OXR1: variants seen among roughly 807,000 people sequenced by gnomAD.
OXR1 encodes oxidation resistance protein 1.
In OXR1, 41 loss-of-function variants were observed where a neutral mutation model predicts 104.6. That is an observed-to-expected ratio of 0.39 (90% CI 0.31 to 0.51). OXR1 has a LOEUF of 0.51. Ranked by LOEUF, OXR1 falls within the 20% of genes least tolerant of loss-of-function variation. The pLI, the probability that OXR1 is intolerant of heterozygous loss-of-function variation, is 0.77. For missense variants in OXR1, 955 were observed against 1,031.9 expected (o/e 0.93, Z 1.02); for synonymous variants, 348 against 348.4 (o/e 1.00, Z 0.01).
At chr8:106,559,777 G>T (rs1430641263) in intron 3 of OXR1, among the ~76,000 whole-genome samples, 1 of 152,038 alleles carries the variant, frequency 6.6e-6, no homozygotes, top group Non-Finnish European at 1.5e-5. Context: ...TCCCATTTAT[G>T]GGGCGGAACC....
chr8:106,394,018 T>C lies in OXR1; in HGVS notation c.23+34382T>C, dbSNP rs374783912. ...TAATGGGACACAAATTTTAGGGAAA[T>C]AGTAGAAAATTATTTTTAAAATGGA... On this transcript the variant is annotated intron_variant, in intron 2 of 16. Transcript: ENST00000517566. Among the ~76,000 whole-genome samples, 16 of 152,006 alleles carry C rather than the reference T, an allele frequency of 1.1e-4. No homozygotes were observed. In the East Asian group the frequency reaches 2.7e-3, roughly 26 times the overall value.
chr8:106,513,075 A>G (rs527262633), intron 2 of OXR1, among the ~76,000 whole-genome samples: 6 of 152,276 alleles, frequency 3.9e-5, no homozygotes, highest in East Asian at 3.9e-4. Flanking sequence ...AAGATTTCCT[A>G]TGCTTCTAGT....
intron 15 of OXR1, among the ~76,000 whole-genome samples, chr8:106,743,054 G>C (rs993156359): frequency 6.6e-6 from 1 of 151,950 alleles, no homozygotes; most frequent in Non-Finnish European, 1.5e-5. Flanking sequence ...TCTGACAAAG[G>C]TCTAATATCC....
chr8:106,619,664 C>T (rs1411924159), intron 3 of OXR1, among the ~76,000 whole-genome samples: 1 of 151,996 alleles, frequency 6.6e-6, no homozygotes, highest in East Asian at 1.9e-4. Flanking sequence ...TAAAAAAATA[C>T]ACAAGAAAGG....
At chr8:106,405,922 A>G (rs1009914036) in intron 2 of OXR1, among the ~76,000 whole-genome samples, 9 of 152,248 alleles carry the variant, frequency 5.9e-5, no homozygotes, top group Non-Finnish European at 8.8e-5. Flanking sequence ...TAACTGATAC[A>G]CCAAAGGAGT....
chr8:106,431,585 A>T (rs552007937), intron 2 of OXR1, among the ~76,000 whole-genome samples: 3 of 152,326 alleles, frequency 2.0e-5, no homozygotes, highest in African/African-American at 7.2e-5. Flanking sequence ...AAATGGCATT[A>T]TGTTACGTAT....
At chr8:106,539,300 G>A (rs1814777371) in intron 3 of OXR1, among the ~76,000 whole-genome samples, 1 of 152,142 alleles carries the variant, frequency 6.6e-6, no homozygotes, top group Non-Finnish European at 1.5e-5. Flanking sequence ...TATCTAAACA[G>A]TATTTTGTAA....
Position 106,287,365 on chromosome 8 carries a change from C to T in OXR1, c.-139+16998C>T, listed in dbSNP as rs376941550. ...CTGCTAAGATGGGTTATAAGATAAG[C>T]TTTTTAACTAAAAATAGAACAAGGT... On this transcript the variant is annotated intron_variant, in intron 1 of 16. Coordinates refer to ENST00000517566, the MANE Select transcript of OXR1 (RefSeq NM_001198533.2). Among the ~76,000 whole-genome samples, 5 of 152,202 alleles carry T rather than the reference C, an allele frequency of 3.3e-5. No individual in the cohort carries two copies. In the East Asian group the frequency reaches 9.7e-4, roughly 29 times the overall value.
chr8:106,300,901 A>G (rs903321508), intron 1 of OXR1, among the ~76,000 whole-genome samples: 4 of 152,184 alleles, frequency 2.6e-5, no homozygotes, highest in African/African-American at 9.6e-5. Context: ...TTCTGCAGAA[A>G]TTAGTTGGAC....
chr8:106,398,594 A>T (rs1817878678), intron 2 of OXR1, among the ~76,000 whole-genome samples: 1 of 152,170 alleles, frequency 6.6e-6, no homozygotes. Flanking sequence ...GGTGTGTGTA[A>T]GGTTCAAGCA....
intron 1 of OXR1, among the ~76,000 whole-genome samples, chr8:106,329,914 A>C (rs1365854016): frequency 1.4e-5 from 2 of 139,146 alleles, no homozygotes; most frequent in African/African-American, 2.7e-5. Flanking sequence ...AACTCAATTC[A>C]AAAAAAAAAA....
intron 3 of OXR1, among the ~76,000 whole-genome samples, chr8:106,607,754 A>T (rs1820509442): frequency 6.6e-6 from 1 of 151,828 alleles, no homozygotes; most frequent in East Asian, 1.9e-4. Flanking sequence ...ATCTCATTTA[A>T]TCCCAACTTA....
intron 2 of OXR1, among the ~76,000 whole-genome samples, chr8:106,434,635 G>A (rs1468069855): frequency 1.3e-5 from 2 of 152,194 alleles, no homozygotes; most frequent in African/African-American, 2.4e-5. Context: ...AGACAAAGAA[G>A]CTGAGTTCAC....
At chr8:106,571,835 G>GA (rs557267796) in intron 3 of OXR1, among the ~76,000 whole-genome samples, 38 of 151,602 alleles carry the variant, frequency 2.5e-4, no homozygotes, top group East Asian at 7.8e-4. Flanking sequence ...TCCAAAAGAG[G>GA]AAAAAAAACA....
chr8:106,716,598 T>A (rs1832277746), intron 11 of OXR1, among the ~76,000 whole-genome samples: 1 of 19,620 alleles, frequency 5.1e-5, no homozygotes, highest in Non-Finnish European at 8.1e-5. Context: ...CAGTCCGCAG[T>A]CCGGCCTGGG....
intron 11 of OXR1, among the ~76,000 whole-genome samples, chr8:106,716,929 C>T (rs144873152): frequency 4.6e-5 from 7 of 151,990 alleles, no homozygotes; most frequent in African/African-American, 9.7e-5. Context: ...CTAGGGAGGC[C>T]GAGGGTAACA....
At chr8:106,342,259 T>C (rs536398942) in intron 1 of OXR1, among the ~76,000 whole-genome samples, 2 of 150,656 alleles carry the variant, frequency 1.3e-5, no homozygotes, top group African/African-American at 4.9e-5. Flanking sequence ...TTTCTTTTTT[T>C]TTTTTTCTCG....
chr8:106,663,633 A>G (rs532732718), intron 3 of OXR1, among the ~76,000 whole-genome samples: 2 of 152,308 alleles, frequency 1.3e-5, no homozygotes, highest in African/African-American at 4.8e-5. Context: ...ACCAGGATGC[A>G]CAGCGGGAGG....
At position 106,726,251 on chromosome 8, in the gene OXR1, G is replaced by A. The variant is rs976547078; in HGVS notation, c.1957-11269G>A. The A allele has an allele frequency of 5.5e-5, 84 of 1,527,384 alleles. No individual in the cohort carries two copies. Among genetic ancestry groups the A allele is most frequent in the East Asian group, 5.2e-4 (21 of 40,334 alleles). The allele number at this position is 1,527,384 out of a possible 1,614,324, so 94.6% of individuals were successfully genotyped here. The stretch of plus-strand genomic sequence containing the variant: ...ATTTGCCCTGGAAAGGAAATGTCTC[G>A]TCTCTGGTATGGGAAAAAAGGGAGA... On this transcript the variant is annotated intron_variant, in intron 11 of 16. Coordinates refer to ENST00000517566, the MANE Select transcript of OXR1 (RefSeq NM_001198533.2).
Sources: gnomAD v4.1 joint callset for allele counts (sites outside exome capture counted in the v4.1 genomes callset) on GRCh38, gnomAD v4.1.1 for gene constraint, MANE v1.5 for transcripts, NCBI Gene and HGNC (gene_info 2026-07-23, HGNC 2026-07-21) for gene names.